Variants in DCDC1 observed in about 807,000 individuals in gnomAD.
DCDC1 encodes the protein doublecortin domain-containing protein 1.
DCDC1 carries 200 observed loss-of-function variants against 178.3 expected under a neutral mutation model. That is an observed-to-expected ratio of 1.12 (90% CI 1.00 to 1.26). The LOEUF is 1.26. Ranked by LOEUF, DCDC1 falls within the 50% of genes most tolerant of loss-of-function variation. DCDC1 has a pLI of 0.00. For synonymous variants in DCDC1, 690 were observed against 604.8 expected (o/e 1.14, Z -2.07); for missense variants, 1,983 against 1,749.2 (o/e 1.13, Z -2.38).
At chr11:30,924,073 C>G (rs549537107) in intron 23 of DCDC1, among the ~76,000 whole-genome samples, 3 of 152,294 alleles carry the variant, frequency 2.0e-5, no homozygotes, top group African/African-American at 7.2e-5. Flanking sequence ...CCATCTTATC[C>G]TCCTTCCACT....
chr11:31,048,001 T>C (rs559456217), intron 20 of DCDC1, among the ~76,000 whole-genome samples: 43 of 152,308 alleles, frequency 2.8e-4, no homozygotes, highest in African/African-American at 1.0e-3. Flanking sequence ...ACATTTACTA[T>C]ACCAAGAACT....
chr11:31,217,081 C>A (rs910736639), intron 9 of DCDC1, among the ~76,000 whole-genome samples: 2 of 152,020 alleles, frequency 1.3e-5, no homozygotes, highest in Non-Finnish European at 2.9e-5. Flanking sequence ...TAAATCACTC[C>A]CCCTCCTCTA....
intron 21 of DCDC1, among the ~76,000 whole-genome samples, chr11:30,947,825 G>A (rs756126886): frequency 5.9e-5 from 9 of 151,940 alleles, no homozygotes; most frequent in African/African-American, 9.7e-5. Context: ...CATCTGAGAA[G>A]GGACTAATAA....
At chr11:31,005,348 G>A (rs1445854052) in intron 20 of DCDC1, among the ~76,000 whole-genome samples, 2 of 152,116 alleles carry the variant, frequency 1.3e-5, no homozygotes, top group African/African-American at 4.8e-5. Context: ...CTTCTATGTT[G>A]CTTGCTAGAT....
intron 3 of DCDC1, among the ~76,000 whole-genome samples, chr11:31,323,699 A>T (rs1215027681): frequency 1.3e-5 from 2 of 152,134 alleles, no homozygotes; most frequent in Non-Finnish European, 2.9e-5. Flanking sequence ...AATAAACTAT[A>T]AACACAAAGG....
intron 25 of DCDC1, 64 bp downstream of exon 25, chr11:30,920,712 T>A: frequency 6.3e-7 from 1 of 1,579,608 alleles, no homozygotes; most frequent in Non-Finnish European, 8.6e-7. Flanking sequence ...TGTGCTGTTA[T>A]CGGGCTAATG....
chr11:31,057,043 C>A (rs901529376), intron 20 of DCDC1, among the ~76,000 whole-genome samples: 1 of 151,828 alleles, frequency 6.6e-6, no homozygotes, highest in Non-Finnish European at 1.5e-5. Flanking sequence ...ACCAGCCTGG[C>A]CAACATGGTG....
chr11:30,998,607 C>A (rs1195134441), intron 20 of DCDC1, among the ~76,000 whole-genome samples: 1 of 152,154 alleles, frequency 6.6e-6, no homozygotes, highest in Non-Finnish European at 1.5e-5. Context: ...AACATCATAG[C>A]TATAAATGCT....
intron 13 of DCDC1, among the ~76,000 whole-genome samples, chr11:31,104,053 T>C (rs916302745): frequency 6.6e-6 from 1 of 152,140 alleles, no homozygotes; most frequent in African/African-American, 2.4e-5. Flanking sequence ...AGAAAAACAA[T>C]CGTCATTCAC....
chr11:31,205,145 A>G (rs943488643), intron 9 of DCDC1, among the ~76,000 whole-genome samples: 1 of 152,208 alleles, frequency 6.6e-6, no homozygotes, highest in Non-Finnish European at 1.5e-5. Flanking sequence ...ATCATATTAT[A>G]GCTTGCTTTT....
At chr11:31,217,829 T>C (rs922908727) in intron 9 of DCDC1, among the ~76,000 whole-genome samples, 20 of 152,178 alleles carry the variant, frequency 1.3e-4, no homozygotes, top group African/African-American at 3.4e-4. Flanking sequence ...TTCATTTTTA[T>C]AGAATTGTCA....
At chr11:31,298,037 T>A (rs1376660683) in intron 6 of DCDC1, among the ~76,000 whole-genome samples, 1 of 152,184 alleles carries the variant, frequency 6.6e-6, no homozygotes, top group Non-Finnish European at 1.5e-5. Flanking sequence ...ATCCTTAACT[T>A]TGGCAAAATA....
intron 9 of DCDC1, chr11:31,215,385 A>G (rs1165833197): frequency 6.6e-6 from 1 of 151,474 alleles, no homozygotes; most frequent in Non-Finnish European, 1.5e-5. Flanking sequence ...ATACACATGC[A>G]TGATATAGGT....
At chr11:31,173,753 C>A (rs537557557) in intron 9 of DCDC1, among the ~76,000 whole-genome samples, 1 of 99,434 alleles carries the variant, frequency 1.0e-5, no homozygotes. Context: ...CACACACACA[C>A]ACACAAACAC....
At chr11:31,352,663 C>T (rs1054709250) in intron 1 of DCDC1, among the ~76,000 whole-genome samples, 4 of 152,080 alleles carry the variant, frequency 2.6e-5, no homozygotes, top group Admixed American at 6.6e-5. Context: ...AATAACATGA[C>T]GAGCTCAATA....
chr11:31,086,528 G>C (rs1957484613), intron 17 of DCDC1, among the ~76,000 whole-genome samples: 1 of 152,132 alleles, frequency 6.6e-6, no homozygotes. Flanking sequence ...CTGTCTTTCA[G>C]AGAATAGAAA....
chr11:31,344,685 T>C (rs911421246), intron 1 of DCDC1, among the ~76,000 whole-genome samples: 2 of 152,198 alleles, frequency 1.3e-5, no homozygotes, highest in Non-Finnish European at 2.9e-5. Context: ...CCAATAACAG[T>C]TCATGTAGAT....
chr11:30,917,974 G>GGTAATCACTGC (rs1255996562), intron 25 of DCDC1, among the ~76,000 whole-genome samples: 1 of 152,056 alleles, frequency 6.6e-6, no homozygotes, highest in Non-Finnish European at 1.5e-5. Flanking sequence ...GAAACTGGTG[G>GGTAATCACTGC]GTAATCACTG....
At chr11:31,123,683 A>G (rs1961142122) in intron 11 of DCDC1, among the ~76,000 whole-genome samples, 1 of 152,016 alleles carries the variant, frequency 6.6e-6, no homozygotes, top group Non-Finnish European at 1.5e-5. Flanking sequence ...GTTGCAAAGG[A>G]GAAACCTGAG....
Sources: gnomAD v4.1 joint callset for allele counts (sites outside exome capture counted in the v4.1 genomes callset) on GRCh38, gnomAD v4.1.1 for gene constraint, MANE v1.5 for transcripts, NCBI Gene and HGNC (gene_info 2026-07-23, HGNC 2026-07-21) for gene names.